The following CNTNAP5 variants were observed in gnomAD, a reference collection of about 807,000 sequenced individuals.
CNTNAP5 encodes contactin associated protein family member 5.
A neutral mutation model predicts 150.2 loss-of-function variants in CNTNAP5; 72 were observed. The observed-to-expected ratio is 0.48, with a 90% CI of 0.40 to 0.58. The LOEUF (loss-of-function observed/expected upper bound fraction) is 0.58. Among genes scored for constraint, CNTNAP5 ranks in the 20% least tolerant of loss-of-function variants. CNTNAP5 has a pLI of 0.00. For synonymous variants in CNTNAP5, 672 were observed against 619.8 expected (o/e 1.08, Z -1.25); for missense variants, 1,636 against 1,626.2 (o/e 1.01, Z -0.10).
intron 12 of CNTNAP5, among the ~76,000 whole-genome samples, chr2:124,637,819 T>C (rs1238152513): frequency 2.0e-5 from 3 of 152,216 alleles, no homozygotes; most frequent in Non-Finnish European, 4.4e-5. Context: ...GTCCCTTTAA[T>C]TCTGCTCCAG....
chr2:124,697,703 C>A lies in CNTNAP5; in HGVS notation c.2078-49526C>A, dbSNP rs192796415. 1.4e-4 allele frequency among the ~76,000 whole-genome samples: 21 copies of A among 152,164 alleles called. No homozygotes were observed. In the East Asian group the frequency reaches 4.1e-3, roughly 29 times the overall value. Reference sequence around the variant, plus strand: ...AGACTTCTTCATGCAGGAGTGCCCTCCGGAGTGCAGACGCTGCCTGAGCAG... The same window carrying A: ...AGACTTCTTCATGCAGGAGTGCCCTACGGAGTGCAGACGCTGCCTGAGCAG... On this transcript the variant is annotated intron_variant, in intron 13 of 23. Coordinates refer to ENST00000682447, the MANE Select transcript of CNTNAP5 (RefSeq NM_001367498.1).
At chr2:124,163,406 C>A (rs1040643342) in intron 1 of CNTNAP5, among the ~76,000 whole-genome samples, 12 of 152,244 alleles carry the variant, frequency 7.9e-5, no homozygotes, top group Admixed American at 7.2e-4. Flanking sequence ...TATCTACCTA[C>A]TGACAGAGAG....
At chr2:124,584,263 A>T (rs1286134193) in intron 11 of CNTNAP5, among the ~76,000 whole-genome samples, 2 of 152,158 alleles carry the variant, frequency 1.3e-5, no homozygotes, top group Non-Finnish European at 2.9e-5. Flanking sequence ...TTTAAAATAA[A>T]TTCATCTCTA....
rs1686038782 is a variant in CNTNAP5, at chr2:124,212,492, C to T, written c.83-9213C>T. ...ACCCACCAAACTATTCCAGCCACCA[C>T]TCTTAGCTTCTCCTATTCCAGAAAC... On this transcript the variant is annotated intron_variant, in intron 1 of 23. Coordinates refer to ENST00000682447, the MANE Select transcript of CNTNAP5 (RefSeq NM_001367498.1). Among the ~76,000 whole-genome samples the T allele has an allele frequency of 2.6e-5, 4 of 152,182 alleles. No homozygotes were observed. The South Asian group carries it at 6.2e-4, about 24-fold the overall frequency.
chr2:124,485,631 A>AAAAACAAAAAAAAAAAAAAAAAGAAGAAG (rs1457112306), intron 7 of CNTNAP5, among the ~76,000 whole-genome samples: 1 of 134,202 alleles, frequency 7.5e-6, no homozygotes, highest in South Asian at 2.7e-4. Context: ...AAAAAAAAAA[A>AAAAACAAAAAAAAAAAAAAAAAGAAGAAG]AAAGAAGAAG....
intron 13 of CNTNAP5, among the ~76,000 whole-genome samples, chr2:124,681,313 A>T (rs1679063145): frequency 6.6e-6 from 1 of 151,406 alleles, no homozygotes; most frequent in Non-Finnish European, 1.5e-5. Context: ...AAAAAAAAAA[A>T]AAAAAAAAGT....
chr2:124,598,885 CG>C (rs1318154299), intron 11 of CNTNAP5, among the ~76,000 whole-genome samples: 1 of 150,546 alleles, frequency 6.6e-6, no homozygotes, highest in Non-Finnish European at 1.5e-5. Context: ...GCGCAATATT[CG>C]GGTGGGAGTG....
intron 7 of CNTNAP5, among the ~76,000 whole-genome samples, chr2:124,500,066 T>G (rs1694241637): frequency 1.3e-5 from 2 of 151,640 alleles, no homozygotes; most frequent in South Asian, 4.2e-4. Flanking sequence ...AAAAAAAAAG[T>G]ACAAATTCCT....
chr2:124,540,422 A>C (rs1695350512), intron 10 of CNTNAP5, among the ~76,000 whole-genome samples: 1 of 152,200 alleles, frequency 6.6e-6, no homozygotes, highest in Non-Finnish European at 1.5e-5. Flanking sequence ...ATATGATATT[A>C]GCCTGTGAAT....
At chr2:124,529,257 T>C (rs1237081872) in intron 10 of CNTNAP5, among the ~76,000 whole-genome samples, 1 of 152,120 alleles carries the variant, frequency 6.6e-6, no homozygotes, top group Admixed American at 6.6e-5. Context: ...TTCCAAAGTG[T>C]TGATCAATAC....
chr2:124,066,647 A>T (rs1333765613), intron 1 of CNTNAP5, among the ~76,000 whole-genome samples: 1 of 88,470 alleles, frequency 1.1e-5, no homozygotes. Flanking sequence ...GAATCCAGAC[A>T]ATTTTTAACA....
At chr2:124,669,507 C>T (rs1247587029) in intron 13 of CNTNAP5, among the ~76,000 whole-genome samples, 3 of 152,240 alleles carry the variant, frequency 2.0e-5, no homozygotes, top group Non-Finnish European at 2.9e-5. Flanking sequence ...CCAGGGCTCT[C>T]TTCATCATCT....
intron 1 of CNTNAP5, among the ~76,000 whole-genome samples, chr2:124,034,128 G>A (rs1681140963): frequency 6.6e-6 from 1 of 152,194 alleles, no homozygotes; most frequent in African/African-American, 2.4e-5. Flanking sequence ...AAAGGACAGT[G>A]AGAAGGGCAT....
intron 3 of CNTNAP5, among the ~76,000 whole-genome samples, chr2:124,267,894 T>C (rs62173768): frequency 0.021 from 3,204 of 152,286 alleles, 41 homozygotes; most frequent in Non-Finnish European, 0.034. Flanking sequence ...CTTTAAAATA[T>C]GCAGCTTCCG....
At chr2:124,905,126 G>T (rs372310046) in intron 22 of CNTNAP5, among the ~76,000 whole-genome samples, 3,978 of 126,732 alleles carry the variant, frequency 0.031, 118 homozygotes, top group Non-Finnish European at 0.053. Context: ...GTTTTTTTTT[G>T]TTTTTTTTTT....
rs1432826338 is a variant in CNTNAP5, at chr2:124,651,684, G to GA, written c.2077+3732dup. Reference sequence around the variant, plus strand: ...GAGTTACAAGTAAATGAAGGAGTCAGAAAAAACATGATTTTGTATAAATTT... The same window carrying GA: ...GAGTTACAAGTAAATGAAGGAGTCAGAAAAAAACATGATTTTGTATAAATTT... On this transcript the variant is annotated intron_variant, in intron 13 of 23. Coordinates refer to ENST00000682447, the MANE Select transcript of CNTNAP5 (RefSeq NM_001367498.1). Among the ~76,000 whole-genome samples the GA allele has an allele frequency of 2.6e-5, 4 of 152,304 alleles. No homozygotes were observed. In the East Asian group the frequency reaches 5.8e-4, roughly 22 times the overall value.
chr2:124,788,714 C>T (rs1290418413), intron 17 of CNTNAP5, among the ~76,000 whole-genome samples: 1 of 151,258 alleles, frequency 6.6e-6, no homozygotes, highest in Admixed American at 6.6e-5. Flanking sequence ...TATTTTTCTG[C>T]CTCAGCCTCC....
At chr2:124,076,905 A>G (rs957434104) in intron 1 of CNTNAP5, among the ~76,000 whole-genome samples, 1 of 152,048 alleles carries the variant, frequency 6.6e-6, no homozygotes, top group Admixed American at 6.5e-5. Context: ...ATCTCCCTAT[A>G]AAAAACAGCT....
intron 7 of CNTNAP5, among the ~76,000 whole-genome samples, chr2:124,484,995 G>A (rs1235718359): frequency 2.6e-5 from 4 of 152,090 alleles, no homozygotes; most frequent in African/African-American, 4.8e-5. Flanking sequence ...AGTAGGGACC[G>A]GACACTGGAT....
Sources: gnomAD v4.1 joint callset for allele counts (sites outside exome capture counted in the v4.1 genomes callset) on GRCh38, gnomAD v4.1.1 for gene constraint, MANE v1.5 for transcripts, NCBI Gene and HGNC (gene_info 2026-07-23, HGNC 2026-07-21) for gene names.